The following GRIA4 variants were observed in gnomAD, a reference collection of about 807,000 sequenced individuals.
GRIA4 encodes the protein glutamate ionotropic receptor AMPA type subunit 4.
GRIA4 carries 34 observed loss-of-function variants against 104.0 expected under a neutral mutation model. The ratio of observed to expected loss-of-function variants is 0.33; its 90% confidence interval spans 0.25 to 0.44. The LOEUF is 0.44. Ranked by LOEUF, GRIA4 falls within the 20% of genes least tolerant of loss-of-function variation. The probability of loss-of-function intolerance (pLI) is 1.00; values close to 1 mark genes in which losing one functional copy is unlikely to be tolerated. For synonymous variants in GRIA4, 386 were observed against 381.9 expected, an observed-to-expected ratio of 1.01 and a Z score of -0.13; for missense variants, 750 against 1,096.5, an observed-to-expected ratio of 0.68 and a Z score of 4.46.
intron 3 of GRIA4, among the ~76,000 whole-genome samples, chr11:105,673,183 G>A (rs1035684629): frequency 1.3e-5 from 2 of 152,042 alleles, no homozygotes; most frequent in Admixed American, 1.3e-4. Context: ...ATATCTGAAT[G>A]CAAATTATCA....
intron 6 of GRIA4, among the ~76,000 whole-genome samples, chr11:105,895,198 C>G (rs1032442325): frequency 2.6e-5 from 4 of 151,602 alleles, no homozygotes; most frequent in Non-Finnish European, 5.9e-5. Flanking sequence ...AGAACCTTTA[C>G]TAAATACTAA....
Position 105,862,211 on chromosome 11 carries a change from A to G in GRIA4, c.672+3A>G. The G allele has an allele frequency of 2.0e-6, 3 of 1,530,686 alleles. No individual in the cohort carries two copies. Among genetic ancestry groups the G allele is most frequent in the Non-Finnish European group, 2.7e-6 (3 of 1,104,950 alleles). The allele number at this position is 1,530,686 out of a possible 1,614,324, so 94.8% of individuals were successfully genotyped here. A position where few individuals can be genotyped will look rare whatever the true frequency, so the allele number is the denominator to read the frequency against. Reference sequence around the variant, plus strand: ...GACTTCAAAACATATTAGAACAGGTAAGTCCTAGATTTTATATTTTTAACC... The same window carrying G: ...GACTTCAAAACATATTAGAACAGGTGAGTCCTAGATTTTATATTTTTAACC... On this transcript the variant is annotated splice_donor_region_variant and intron_variant, in intron 5 of 16. Transcript: ENST00000282499.
At chr11:105,804,665 A>G (rs1486440343) in intron 4 of GRIA4, among the ~76,000 whole-genome samples, 1 of 152,008 alleles carries the variant, frequency 6.6e-6, no homozygotes, top group Non-Finnish European at 1.5e-5. Flanking sequence ...AATTTATTTT[A>G]TATGGATGAT....
intron 3 of GRIA4, among the ~76,000 whole-genome samples, chr11:105,622,092 C>A (rs1045483624): frequency 6.6e-6 from 1 of 151,624 alleles, no homozygotes; most frequent in Non-Finnish European, 1.5e-5. Context: ...AATTATTTTT[C>A]CACTTTCCCT....
chr11:105,673,693 C>T (rs1952445820), intron 3 of GRIA4, among the ~76,000 whole-genome samples: 1 of 152,010 alleles, frequency 6.6e-6, no homozygotes, highest in African/African-American at 2.4e-5. Flanking sequence ...CCACATTCAT[C>T]TCACATGAAA....
In GRIA4 at chr11:105,933,808, A is replaced by G. The variant is rs766959256; in HGVS notation, c.2133A>G (p.Gly711=). 1.9e-6 allele frequency: 3 copies of G among 1,613,218 alleles called. No individual in the cohort carries two copies. In the East Asian group the frequency reaches 6.7e-5, roughly 36 times the overall value. The part of the protein sequence containing the change: ...PSVFTRTTAE[G]VARVRKSKGK... ...TATTCACTAGGACTACAGCTGAGGG[A>G]GTAGCTCGTGTCCGCAAATCCAAGG... The change falls in exon 14 of 17, where the codon GGA becomes GGG. Residue 711 remains glycine (G), a synonymous_variant. Coordinates refer to ENST00000282499, the MANE Select transcript of GRIA4 (RefSeq NM_000829.4).
intron 3 of GRIA4, among the ~76,000 whole-genome samples, chr11:105,637,877 G>T (rs1316880392): frequency 2.6e-5 from 4 of 152,074 alleles, no homozygotes; most frequent in African/African-American, 9.7e-5. Context: ...AAGGAGGATG[G>T]CTTATCACCG....
Position 105,923,259 on chromosome 11 carries a change from G to A in GRIA4, c.1477-1140G>A, listed in dbSNP as rs574101627. Among the ~76,000 whole-genome samples the A allele has an allele frequency of 2.0e-5, 3 of 152,226 alleles. No individual in the cohort carries two copies. In the East Asian group the frequency reaches 5.8e-4, roughly 29 times the overall value. ...AAACTCCCTTTTATTTGTAGATCAT[G>A]CGACAGTTTAGTTTTCACACTACAC... On this transcript the variant is annotated intron_variant, in intron 11 of 16. Coordinates refer to ENST00000282499, the MANE Select transcript of GRIA4 (RefSeq NM_000829.4).
intron 3 of GRIA4, among the ~76,000 whole-genome samples, chr11:105,623,510 T>C (rs1372024977): frequency 6.6e-6 from 1 of 152,020 alleles, no homozygotes; most frequent in Non-Finnish European, 1.5e-5. Context: ...ATGAACTGAC[T>C]CTTGCCTGCT....
chr11:105,943,219 T>C (rs1948225292), intron 14 of GRIA4, among the ~76,000 whole-genome samples: 1 of 152,130 alleles, frequency 6.6e-6, no homozygotes, highest in African/African-American at 2.4e-5. Flanking sequence ...TGGAAAACTA[T>C]TTAAGGAAAG....
At chr11:105,969,993 T>C (rs566730933) in intron 14 of GRIA4, among the ~76,000 whole-genome samples, 2 of 151,914 alleles carry the variant, frequency 1.3e-5, no homozygotes, top group South Asian at 4.2e-4. Context: ...GGCTTGGGGG[T>C]CAGGTGCAGA....
intron 5 of GRIA4, among the ~76,000 whole-genome samples, chr11:105,878,812 C>G (rs1176048517): frequency 6.6e-6 from 1 of 152,234 alleles, no homozygotes; most frequent in Non-Finnish European, 1.5e-5. Flanking sequence ...ACCAGTGGAT[C>G]TTAGCTTGCT....
At chr11:105,647,653 T>C (rs1176161116) in intron 3 of GRIA4, among the ~76,000 whole-genome samples, 1 of 152,098 alleles carries the variant, frequency 6.6e-6, no homozygotes, top group Non-Finnish European at 1.5e-5. Flanking sequence ...AGGACATGGA[T>C]GGAGCTGGAG....
intron 3 of GRIA4, among the ~76,000 whole-genome samples, chr11:105,686,393 A>G (rs1372309192): frequency 6.6e-6 from 1 of 152,194 alleles, no homozygotes; most frequent in Non-Finnish European, 1.5e-5. Flanking sequence ...GTTGCTGCAA[A>G]AGACATTACT....
chr11:105,673,334 G>T (rs1171177639), intron 3 of GRIA4, among the ~76,000 whole-genome samples: 3 of 152,006 alleles, frequency 2.0e-5, no homozygotes, highest in Admixed American at 2.0e-4. Flanking sequence ...TGCCTGACTT[G>T]GCTAGCTCAC....
intron 5 of GRIA4, among the ~76,000 whole-genome samples, chr11:105,885,437 G>T (rs755623555): frequency 6.6e-6 from 1 of 152,170 alleles, no homozygotes; most frequent in Non-Finnish European, 1.5e-5. Context: ...ATGGAGGAAG[G>T]TTATGTAAAA....
intron 14 of GRIA4, among the ~76,000 whole-genome samples, chr11:105,959,109 G>A (rs1486145140): frequency 1.3e-5 from 2 of 152,072 alleles, no homozygotes; most frequent in Non-Finnish European, 2.9e-5. Flanking sequence ...CTTCTCATGG[G>A]ATATCTTAAT....
At chr11:105,910,614 T>C in intron 10 of GRIA4, 69 bp downstream of exon 10, 1 of 810,396 alleles carries the variant, frequency 1.2e-6, no homozygotes, top group South Asian at 1.4e-5. Context: ...CCAGCGACGG[T>C]GAACAGGGAG....
intron 9 of GRIA4, among the ~76,000 whole-genome samples, chr11:105,906,076 T>C (rs998498797): frequency 1.3e-5 from 2 of 152,146 alleles, no homozygotes; most frequent in African/African-American, 4.8e-5. Flanking sequence ...AAGCTGTATT[T>C]GGCTGTTTAA....
Sources: allele counts gnomAD v4.1 joint callset (sites outside exome capture counted in the v4.1 genomes callset), GRCh38; gene constraint gnomAD v4.1.1; transcripts MANE v1.5; gene names NCBI Gene and HGNC (gene_info 2026-07-23, HGNC 2026-07-21).